Variants in AKAP9 observed in about 807,000 individuals in gnomAD.
The protein encoded by AKAP9 is A-kinase anchoring protein 9.
In AKAP9, 311 loss-of-function variants were observed where a neutral mutation model predicts 488.5. The observed-to-expected ratio is 0.64, with a 90% CI of 0.58 to 0.70. The LOEUF is 0.70. Ranked by LOEUF, AKAP9 falls within the 30% of genes least tolerant of loss-of-function variation. AKAP9 has a pLI of 0.00. For missense variants in AKAP9, 4,215 were observed against 4,374.5 expected (o/e 0.96, Z 1.03); for synonymous variants, 1,462 against 1,483.5 (o/e 0.99, Z 0.33).
intron 16 of AKAP9, among the ~76,000 whole-genome samples, chr7:92,037,601 C>G (rs1199520338): frequency 6.6e-6 from 1 of 152,068 alleles, no homozygotes; most frequent in African/African-American, 2.4e-5. Flanking sequence ...GTCAGAATTC[C>G]TAAGTACCTG....
At chr7:92,096,645 TTAA>T (rs773919495) in intron 40 of AKAP9, 41 bp from the exon 41 acceptor site, 38 of 1,610,370 alleles carry the variant, frequency 2.4e-5, no homozygotes, top group Non-Finnish European at 3.1e-5. Context: ...CCAAGTATTT[TTAA>T]TAATATTAAC....
At position 92,107,723 on chromosome 7, in the gene AKAP9, C is replaced by T. The variant is rs532407170; in HGVS notation, c.11546+301C>T. ...AAAATTAGCCAGGCGTGGTGGCAGG[C>T]GCCTGTGGTCCCAGCTACTTGGGAG... is the stretch of plus-strand genomic sequence containing the variant. On this transcript the variant is annotated intron_variant, in intron 48 of 49. Transcript: ENST00000356239. 7.6e-4 allele frequency: 214 copies of T among 280,314 alleles called. 1 individual carries two copies. Among genetic ancestry groups the T allele is most frequent in the Middle Eastern group, 1.3e-3 (1 of 748 alleles). 17.4% of individuals were successfully genotyped at this position (280,314 alleles called of 1,614,324 possible).
chr7:92,093,458 A>G (rs1815993592), intron 39 of AKAP9, 142 bp downstream of exon 39: 2 of 735,230 alleles, frequency 2.7e-6, no homozygotes, highest in East Asian at 2.7e-5. Flanking sequence ...ACTATAATAG[A>G]AAAAACTCTA....
At chr7:92,039,050 C>T (rs959051364) in intron 17 of AKAP9, among the ~76,000 whole-genome samples, 5 of 152,188 alleles carry the variant, frequency 3.3e-5, no homozygotes, top group East Asian at 1.9e-4. Context: ...GGACTCCATG[C>T]GCGTGCCACC....
At chr7:92,101,349 A>G (rs1040841029) in intron 45 of AKAP9, among the ~76,000 whole-genome samples, 1 of 152,100 alleles carries the variant, frequency 6.6e-6, no homozygotes, top group African/African-American at 2.4e-5. Flanking sequence ...AGGCAGGAGA[A>G]TCGCTTGAAC....
At chr7:92,039,019 C>T (rs2130777904) in intron 17 of AKAP9, among the ~76,000 whole-genome samples, 1 of 152,276 alleles carries the variant, frequency 6.6e-6, no homozygotes, top group East Asian at 1.9e-4. Flanking sequence ...GATTCTCCTG[C>T]CTCAGCCTCC....
rs756838445 is a variant in AKAP9, at chr7:92,016,214, A to G, written c.3698A>G (p.Tyr1233Cys). 6.3e-7 allele frequency: 1 copy of G among 1,580,528 alleles called. No individual in the cohort carries two copies. The highest frequency in any genetic ancestry group is 1.7e-5 in the Admixed American group (1 of 59,730). ...NAEDKENSGD[Y>C]ISENEDPELQ... ...GAAGACAAAGAGAATTCTGGTGATTACATTTCTGAAAATGAAGATCCAGAA... is the reference window on the plus strand; with the variant it reads ...GAAGACAAAGAGAATTCTGGTGATTGCATTTCTGAAAATGAAGATCCAGAA... The change falls in exon 11 of 50, where the codon TAC (tyrosine) becomes TGC (cysteine). Residue 1233 changes from tyrosine to cysteine, a missense_variant. Coordinates refer to ENST00000356239, the MANE Select transcript of AKAP9 (RefSeq NM_005751.5).
intron 3 of AKAP9, among the ~76,000 whole-genome samples, chr7:91,990,022 A>G (rs914563688): frequency 6.6e-6 from 1 of 152,076 alleles, no homozygotes; most frequent in African/African-American, 2.4e-5. Flanking sequence ...AAAATTTAAA[A>G]TGTACCTCAC....
chr7:92,008,096 G>A (rs1046314029), intron 8 of AKAP9, among the ~76,000 whole-genome samples: 7 of 152,182 alleles, frequency 4.6e-5, no homozygotes, highest in African/African-American at 7.2e-5. Context: ...GTGGCTGGCC[G>A]TGGTGGCTCA....
At chr7:92,041,991 T>C in intron 18 of AKAP9, 55 bp from the exon 19 acceptor site, 2 of 1,592,140 alleles carry the variant, frequency 1.3e-6, no homozygotes, top group Non-Finnish European at 1.7e-6. Flanking sequence ...TTAATATTTC[T>C]ACCCTTTTTC....
In AKAP9 at chr7:92,079,280, A is replaced by G; in HGVS notation, c.7147A>G (p.Ser2383Gly). ...NAHSLSEEAD[S>G]LKHQLDVVIA... ...TCATTCCCTCTCAGAAGAAGCAGACAGTTTAAAACATCAATTGGATGTGGT... is the reference window on the plus strand; with the variant it reads ...TCATTCCCTCTCAGAAGAAGCAGACGGTTTAAAACATCAATTGGATGTGGT... The change falls in exon 31 of 50, where the codon AGT (serine) becomes GGT (glycine). Residue 2383 changes from serine (S) to glycine (G), a missense_variant. Physicochemically the swap from Ser to Gly is moderately conservative, Grantham distance 56. Around this residue, in one of 5 missense-constraint regions of AKAP9, gnomAD observed 1,476 missense variants for 1,477.4 expected, o/e 1.00. Transcript: ENST00000356239. The G allele has an allele frequency of 6.2e-7, 1 of 1,614,124 alleles. No individual in the cohort carries two copies. Among genetic ancestry groups the G allele is most frequent in the Non-Finnish European group, 8.5e-7 (1 of 1,180,002 alleles).
At chr7:92,080,629 C>T (rs1404387539) in intron 31 of AKAP9, among the ~76,000 whole-genome samples, 1 of 151,762 alleles carries the variant, frequency 6.6e-6, no homozygotes, top group African/African-American at 2.4e-5. Flanking sequence ...AAAAACTAGA[C>T]AAACTAAATT....
chr7:92,060,892 T>C (rs973614480), intron 22 of AKAP9, among the ~76,000 whole-genome samples: 1 of 152,182 alleles, frequency 6.6e-6, no homozygotes, highest in South Asian at 2.1e-4. Flanking sequence ...TATCATAGAC[T>C]GTATAGTTAC....
rs1195644541 is a variant in AKAP9 at position 92,062,481 on chromosome 7, A to T, written c.5972A>T (p.Glu1991Val). Residue 1991 changes from glutamate to valine, a missense_variant, in exon 24 of 50, where the codon GAA (glutamate) becomes GTA (valine). Coordinates refer to ENST00000356239, the MANE Select transcript of AKAP9 (RefSeq NM_005751.5). Reference protein sequence around the residue: ...EAMKAEAGPVEQQLLQETEKL... With the variant: ...EAMKAEAGPVVQQLLQETEKL... ...ATGAAAGCAGAGGCAGGCCCAGTTG[A>T]ACAACGTAAGTATTTTCAGAATTTG... 1.9e-6 allele frequency: 3 copies of T among 1,612,876 alleles called. No individual in the cohort carries two copies. Among genetic ancestry groups the T allele is most frequent in the East Asian group, 4.5e-5 (2 of 44,850 alleles).
intron 1 of AKAP9, chr7:91,970,455 A>G (rs1286745455): frequency 1.3e-5 from 6 of 456,610 alleles, no homozygotes; most frequent in Non-Finnish European, 2.2e-5. Context: ...TTTTCACATT[A>G]GTGTTTTTTT....
chr7:92,074,742 C>T (rs1812285780), intron 28 of AKAP9, among the ~76,000 whole-genome samples: 1 of 152,154 alleles, frequency 6.6e-6, no homozygotes. Flanking sequence ...AACCATCATT[C>T]TCAGCAAACT....
chr7:92,062,375 A>G lies in AKAP9; in HGVS notation c.5866A>G (p.Ser1956Gly), dbSNP rs754481023. The G allele has an allele frequency of 6.2e-7, 1 of 1,613,834 alleles. No homozygotes were observed. The highest frequency in any genetic ancestry group is 2.2e-5 in the East Asian group (1 of 44,876). Reference sequence around the variant, plus strand: ...TCTTGAGCAGGAGTTGTTATGTGCAAGTAACAGGTTGCAAGAATTGGAGGC... The same window carrying G: ...TCTTGAGCAGGAGTTGTTATGTGCAGGTAACAGGTTGCAAGAATTGGAGGC... ...DRLEQELLCA[S>G]NRLQELEAEQ... Residue 1956 changes from serine to glycine, a missense_variant, in exon 24 of 50, where the codon AGT becomes GGT. Physicochemically the swap from Ser to Gly is moderately conservative, Grantham distance 56 (BLOSUM62 0). This residue lies in a region of AKAP9 where 2,361 missense variants were observed against 2,430.0 expected (regional missense o/e 0.97). Transcript: ENST00000356239.
intron 49 of AKAP9, 140 bp downstream of exon 49, chr7:92,108,773 C>A: frequency 9.8e-7 from 1 of 1,021,670 alleles, no homozygotes; most frequent in South Asian, 1.4e-5. Flanking sequence ...TTAGCCAAAG[C>A]TTAAACTCTT....
rs759645001 is a variant in AKAP9 at position 92,082,591 on chromosome 7, G to C, written c.8089G>C (p.Glu2697Gln). The C allele has an allele frequency of 2.5e-6, 4 of 1,613,962 alleles. No individual in the cohort carries two copies. The South Asian group carries it at 4.4e-5, about 18-fold the overall frequency. Residue 2697 changes from glutamate (E) to glutamine (Q), a missense_variant, in exon 32 of 50, where the codon GAA becomes CAA. By Grantham distance (29) the Glu-to-Gln change is conservative (BLOSUM62 2). Transcript: ENST00000356239. ...FFNELEALRA[E>Q]SVATKAELAS... ...TAATGAACTCGAGGCTCTTAGAGCT[G>C]AATCAGTGGCTACCAAAGCAGAACT...
Sources: allele counts gnomAD v4.1 joint callset (sites outside exome capture counted in the v4.1 genomes callset), GRCh38; gene constraint gnomAD v4.1.1; regional missense constraint gnomAD v4.1.1; transcripts MANE v1.5; gene names NCBI Gene and HGNC (gene_info 2026-07-23, HGNC 2026-07-21).